The following MIDN variants were observed in gnomAD, a reference collection of about 807,000 sequenced individuals.
MIDN encodes the protein midbrain nucleolar protein.
In MIDN, 26 loss-of-function variants were observed where a neutral mutation model predicts 46.1. That is an observed-to-expected ratio of 0.56 (90% CI 0.41 to 0.78). MIDN has a LOEUF of 0.78. Among genes scored for constraint, MIDN ranks in the 30% least tolerant of loss-of-function variants. The pLI is 0.00. For missense variants in MIDN, 850 were observed against 771.8 expected, an observed-to-expected ratio of 1.10 and a Z score of -1.20; for synonymous variants, 432 against 343.3, an observed-to-expected ratio of 1.26 and a Z score of -2.86.
At position 1,257,635 on chromosome 19, in the gene MIDN, G is replaced by C; in HGVS notation, c.*363G>C. 4.2e-6 allele frequency: 1 copy of C among 240,118 alleles called. No homozygotes were observed. Among genetic ancestry groups the C allele is most frequent in the African/African-American group, 2.3e-5 (1 of 43,594 alleles). 14.9% of individuals were successfully genotyped at this position (240,118 alleles called of 1,614,324 possible). A position where few individuals can be genotyped will look rare whatever the true frequency, so the allele number is the denominator to read the frequency against. ...TCTCTCTGGATGGCGGAGAGTGAAG[G>C]AGACGGAGAAACGCGCCCCATCCCT... On this transcript the variant is annotated 3_prime_UTR_variant, in exon 9 of 9. Coordinates refer to ENST00000682408, the MANE Select transcript of MIDN (RefSeq NM_001388306.1).
chr19:1,256,863 T>G (rs1478850798), intron 8 of MIDN, 132 bp from the exon 9 acceptor site: 1 of 1,363,938 alleles, frequency 7.3e-7, no homozygotes, highest in African/African-American at 1.5e-5. Flanking sequence ...CTTGACTGTT[T>G]CCTTTGCTGA....
At position 1,255,692 on chromosome 19, in the gene MIDN, C is replaced by A; in HGVS notation, c.1256C>A (p.Pro419Gln). 1.3e-6 allele frequency: 2 copies of A among 1,570,380 alleles called. No homozygotes were observed. Among genetic ancestry groups the A allele is most frequent in the East Asian group, 4.5e-5 (2 of 44,240 alleles). Residue 419 changes from proline (P) to glutamine (Q), a missense_variant and splice_region_variant, in exon 8 of 9, where the codon CCG (proline) becomes CAG (glutamine). By Grantham distance (76) the Pro-to-Gln change is moderately conservative. Transcript: ENST00000682408. Reference sequence around the variant, plus strand: ...AGCCAGATCCGCATGTGCAAGCCCCCGGGTGAGTGGCCACCCTCGGGGGTC... The same window carrying A: ...AGCCAGATCCGCATGTGCAAGCCCCAGGGTGAGTGGCCACCCTCGGGGGTC... ...GQSQIRMCKP[P>Q]GDRLRQTENR...
intron 1 of MIDN, among the ~76,000 whole-genome samples, chr19:1,249,039 C>G (rs1156475322): frequency 6.6e-6 from 1 of 151,954 alleles, no homozygotes; most frequent in Non-Finnish European, 1.5e-5. Context: ...CGCCCCCTCC[C>G]CGGGACTCCG....
In MIDN at chr19:1,258,080, T is replaced by G. The variant is rs926044518; in HGVS notation, c.*808T>G. ...CCGCCCCGCCCCAGCCGGCGGACTG[T>G]GCTGTTTCCTCCGCCCCCACTCCCG... On this transcript the variant is annotated 3_prime_UTR_variant, in exon 9 of 9. Coordinates refer to ENST00000682408, the MANE Select transcript of MIDN (RefSeq NM_001388306.1). 2 of 152,494 alleles carry G rather than the reference T, an allele frequency of 1.3e-5. No homozygotes were observed. Among genetic ancestry groups the G allele is most frequent in the South Asian group, 2.1e-4 (1 of 4,860 alleles). 9.4% of individuals were successfully genotyped at this position (152,494 alleles called of 1,614,324 possible). A position where few individuals can be genotyped will look rare whatever the true frequency, so the allele number is the denominator to read the frequency against.
intron 4 of MIDN, chr19:1,253,649 G>T: frequency 5.6e-6 from 1 of 179,324 alleles, no homozygotes; most frequent in Non-Finnish European, 1.2e-5. Flanking sequence ...GCCCCGCCCA[G>T]GACAGATAAA....
chr19:1,257,440 A>G lies in MIDN; in HGVS notation c.*168A>G, dbSNP rs2081213921. 3 of 598,240 alleles carry G rather than the reference A, an allele frequency of 5.0e-6. No homozygotes were observed. Among genetic ancestry groups the G allele is most frequent in the Non-Finnish European group, 5.8e-6 (2 of 343,598 alleles). The allele number at this position is 598,240 out of a possible 1,614,324, so 37.1% of individuals were successfully genotyped here. On this transcript the variant is annotated 3_prime_UTR_variant, in exon 9 of 9. Transcript: ENST00000682408. ...TTTATTATTTTTTTCTTTTTTTAAA[A>G]AGTTCTGACCGTGGTTTCCTGGACT...
rs368362828 is a variant in MIDN, at chr19:1,257,146, C to G, written c.1410C>G (p.Ser470Arg). The change falls in exon 9 of 9, where the codon AGC (serine) becomes AGG (arginine). Residue 470 changes from serine (S) to arginine (R), a missense_variant. Ser to Arg is a moderately radical substitution (Grantham distance 110). Coordinates refer to ENST00000682408, the MANE Select transcript of MIDN (RefSeq NM_001388306.1). ...CACCCAGCCGCAAGGCCGGCCGCAG[C>G]GACAGCAGTAGCAGCGGGGGCGGCG... ...HWSPSRKAGR[S>R]DSSSSGGGGS... 1 of 1,611,484 alleles carries G rather than the reference C, an allele frequency of 6.2e-7. No homozygotes were observed. The highest frequency in any genetic ancestry group is 8.5e-7 in the Non-Finnish European group (1 of 1,179,188).
At position 1,259,033 on chromosome 19, in the gene MIDN, G is replaced by A. The variant is rs2081235837; in HGVS notation, c.*1761G>A. On this transcript the variant is annotated 3_prime_UTR_variant, in exon 9 of 9. Transcript: ENST00000682408. Reference sequence around the variant, plus strand: ...CCCGCCCTCGGGGGGTCGGGCTGTGGGGGTCCCGGCACCTGGCGTGAGTTT... The same window carrying A: ...CCCGCCCTCGGGGGGTCGGGCTGTGAGGGTCCCGGCACCTGGCGTGAGTTT... 1 of 151,808 alleles carries A rather than the reference G, an allele frequency of 6.6e-6. No individual in the cohort carries two copies. The highest frequency in any genetic ancestry group is 6.6e-5 in the Admixed American group (1 of 15,260). The allele number at this position is 151,808 out of a possible 1,614,324, so 9.4% of individuals were successfully genotyped here. A position where few individuals can be genotyped will look rare whatever the true frequency, so the allele number is the denominator to read the frequency against.
In MIDN at chr19:1,250,230, C is replaced by T. The variant is rs750669340; in HGVS notation, c.-67C>T. On this transcript the variant is annotated 5_prime_UTR_variant, in exon 2 of 9. Coordinates refer to ENST00000682408, the MANE Select transcript of MIDN (RefSeq NM_001388306.1). ...CCCGGCATCCGGGGAGCCTCTCGCC[C>T]CTGTCCCGGAGGCGCGGCGAGGATT... 7 of 700,572 alleles carry T rather than the reference C, an allele frequency of 1.0e-5. No homozygotes were observed. Among genetic ancestry groups the T allele is most frequent in the African/African-American group, 3.9e-5 (2 of 51,614 alleles). The allele number at this position is 700,572 out of a possible 1,614,324, so 43.4% of individuals were successfully genotyped here.
chr19:1,258,146 C>T lies in MIDN; in HGVS notation c.*874C>T, dbSNP rs919560375. 1 of 152,586 alleles carries T rather than the reference C, an allele frequency of 6.6e-6. No homozygotes were observed. Among genetic ancestry groups the T allele is most frequent in the Non-Finnish European group, 1.5e-5 (1 of 68,068 alleles). The allele number at this position is 152,586 out of a possible 1,614,324, so 9.5% of individuals were successfully genotyped here. On this transcript the variant is annotated 3_prime_UTR_variant, in exon 9 of 9. Coordinates refer to ENST00000682408, the MANE Select transcript of MIDN (RefSeq NM_001388306.1). ...TGCCTGAGTTTGGGGTATTTATAGA[C>T]TATTAATTTTCTGACTGAGCCAATA... is the stretch of plus-strand genomic sequence containing the variant.
chr19:1,256,469 G>A (rs1209098749), intron 8 of MIDN, among the ~76,000 whole-genome samples: 4 of 144,800 alleles, frequency 2.8e-5, no homozygotes, highest in Non-Finnish European at 4.5e-5. Flanking sequence ...GCGACAGAGC[G>A]AGACTCCGTC....
At chr19:1,255,236 G>T (rs1370597581) in intron 7 of MIDN, among the ~76,000 whole-genome samples, 175 bp downstream of exon 7, 1 of 152,096 alleles carries the variant, frequency 6.6e-6, no homozygotes, top group East Asian at 1.9e-4. Flanking sequence ...CCTGCCCGGG[G>T]GGCCGCGGGT....
chr19:1,255,134 A>C (rs1393791523), intron 7 of MIDN, 73 bp downstream of exon 7: 4 of 1,511,446 alleles, frequency 2.6e-6, no homozygotes, highest in East Asian at 2.3e-5. Flanking sequence ...ACATCCACCC[A>C]CAGGCGACTC....
chr19:1,256,260 G>T (rs1031595314), intron 8 of MIDN, among the ~76,000 whole-genome samples: 1 of 152,244 alleles, frequency 6.6e-6, no homozygotes, highest in Non-Finnish European at 1.5e-5. Context: ...GACGCGGGCG[G>T]ATCACGAGGT....
In MIDN at chr19:1,254,487, G is replaced by T. The variant is rs1394089032; in HGVS notation, c.825+9G>T. ...CCACCACCTGCCCGGAGGTGAGCCT[G>T]GGGAAGGGAAGGGTGACCCTTGGTT... On this transcript the variant is annotated intron_variant, in intron 6 of 8. Transcript: ENST00000682408. 1.5e-5 allele frequency: 23 copies of T among 1,545,646 alleles called. No homozygotes were observed. The highest frequency in any genetic ancestry group is 2.0e-5 in the Non-Finnish European group (23 of 1,152,002).
intron 7 of MIDN, among the ~76,000 whole-genome samples, 177 bp from the exon 8 acceptor site, chr19:1,255,245 G>A (rs2081184395): frequency 6.6e-6 from 1 of 151,968 alleles, no homozygotes; most frequent in African/African-American, 2.4e-5. Flanking sequence ...GGGGCCGCGG[G>A]TCACCAGGCG....
chr19:1,253,961 C>T lies in MIDN; in HGVS notation c.392C>T (p.Ala131Val), dbSNP rs938033352. Reference protein sequence around the residue: ...LESLTETQPPAAPGPGRAGGG... With the variant: ...LESLTETQPPVAPGPGRAGGG... ...CCGCCTCTGTCCCCACAGCCCCCAGCGGCGCCCGGGCCGGGCCGGGCTGGC... is the reference window on the plus strand; with the variant it reads ...CCGCCTCTGTCCCCACAGCCCCCAGTGGCGCCCGGGCCGGGCCGGGCTGGC... Residue 131 changes from alanine to valine, a missense_variant, in exon 5 of 9, where the codon GCG (alanine) becomes GTG (valine). By Grantham distance (64) the Ala-to-Val change is moderately conservative (BLOSUM62 0). Coordinates refer to ENST00000682408, the MANE Select transcript of MIDN (RefSeq NM_001388306.1). 30 of 1,392,504 alleles carry T rather than the reference C, an allele frequency of 2.2e-5. No homozygotes were observed. The highest frequency in any genetic ancestry group is 1.4e-4 in the Admixed American group (4 of 29,336). The allele number at this position is 1,392,504 out of a possible 1,614,324, so 86.3% of individuals were successfully genotyped here.
chr19:1,252,232 G>A (rs1452530684), intron 4 of MIDN, among the ~76,000 whole-genome samples: 1 of 151,102 alleles, frequency 6.6e-6, no homozygotes, highest in East Asian at 1.9e-4. Flanking sequence ...CGCCCCCACC[G>A]AGGAGCCCCC....
At chr19:1,256,509 A>G (rs1216530506) in intron 8 of MIDN, among the ~76,000 whole-genome samples, 3 of 150,542 alleles carry the variant, frequency 2.0e-5, no homozygotes, top group Non-Finnish European at 4.4e-5. Flanking sequence ...ACCAAGGTAC[A>G]ACCCCCAAGT....
Sources: gnomAD v4.1 joint callset for allele counts (sites outside exome capture counted in the v4.1 genomes callset) on GRCh38, gnomAD v4.1.1 for gene constraint, MANE v1.5 for transcripts, NCBI Gene and HGNC (gene_info 2026-07-23, HGNC 2026-07-21) for gene names.